The following MCMDC2 variants were observed in gnomAD, a reference collection of about 807,000 sequenced individuals.
The protein encoded by MCMDC2 is minichromosome maintenance domain-containing protein 2.
Under a neutral mutation model 75.8 loss-of-function variants are expected in MCMDC2, and 54 were observed. The ratio of observed to expected loss-of-function variants is 0.71; its 90% CI spans 0.57 to 0.89. MCMDC2 has a LOEUF of 0.89. Ranked by LOEUF, MCMDC2 falls within the 40% of genes least tolerant of loss-of-function variation. The pLI, the probability that MCMDC2 is intolerant of heterozygous loss-of-function variation, is 0.00. For synonymous variants in MCMDC2, 249 were observed against 274.6 expected (o/e 0.91, Z 0.92); for missense variants, 656 against 780.4 (o/e 0.84, Z 1.90).
chr8:66,898,868 A>G lies in MCMDC2; in HGVS notation c.1626+1909A>G, dbSNP rs75027628. On this transcript the variant is annotated intron_variant, in intron 12 of 14. Transcript: ENST00000422365. ...ACAGTAGGAGTAAAGACTTAAAAGTAGAAATTAGTGTACATGGAAAACGAT... is the reference window on the plus strand; with the variant it reads ...ACAGTAGGAGTAAAGACTTAAAAGTGGAAATTAGTGTACATGGAAAACGAT... Among the ~76,000 whole-genome samples the G allele has an allele frequency of 6.6e-3, 1,000 of 152,324 alleles. 8 individuals carry two copies. Among genetic ancestry groups the G allele is most frequent in the African/African-American group, 0.023 (958 of 41,570 alleles).
At position 66,919,097 on chromosome 8, in the gene MCMDC2, G is replaced by A. The variant is rs755516135; in HGVS notation, c.1974G>A (p.Gln658=). The A allele has an allele frequency of 4.5e-6, 7 of 1,550,616 alleles. No individual in the cohort carries two copies. The highest frequency in any genetic ancestry group is 1.4e-5 in the African/African-American group (1 of 72,976). ...YLEQRDLYLT[Q]CQQQLEQFIA... ...AGCAAAGGGATCTCTATCTGACTCA[G>A]TGCCAACAACAGCTGGAACAATTTA... is the stretch of plus-strand genomic sequence containing the variant. The change falls in exon 15 of 15, where the codon CAG becomes CAA. Residue 658 remains glutamine (Q), a synonymous_variant. Coordinates refer to ENST00000422365, the MANE Select transcript of MCMDC2 (RefSeq NM_173518.5).
rs945777335 is a variant in MCMDC2, at chr8:66,921,912, A to G, written c.*2743A>G. On this transcript the variant is annotated 3_prime_UTR_variant, in exon 15 of 15. Transcript: ENST00000422365. Reference sequence around the variant, plus strand: ...TTCAAAACAGGTCTGACTAGTGACTATGAGAATGGAGCTATTTAGAGTTGA... The same window carrying G: ...TTCAAAACAGGTCTGACTAGTGACTGTGAGAATGGAGCTATTTAGAGTTGA... 7 of 152,364 alleles carry G rather than the reference A, an allele frequency of 4.6e-5. No homozygotes were observed. The highest frequency in any genetic ancestry group is 1.7e-4 in the African/African-American group (7 of 41,460). 9.4% of individuals were successfully genotyped at this position (152,364 alleles called of 1,614,324 possible).
At chr8:66,910,166 GT>G (rs1428930243) in intron 14 of MCMDC2, among the ~76,000 whole-genome samples, 3 of 152,250 alleles carry the variant, frequency 2.0e-5, no homozygotes, top group Admixed American at 2.0e-4. Flanking sequence ...CCCTGCAGAA[GT>G]TTGCTGCAGG....
intron 9 of MCMDC2, among the ~76,000 whole-genome samples, 153 bp from the exon 10 acceptor site, chr8:66,890,712 G>A (rs759526198): frequency 2.0e-5 from 3 of 152,112 alleles, no homozygotes; most frequent in Non-Finnish European, 2.9e-5. Flanking sequence ...GTAGAGACGG[G>A]ATTTTACCAT....
intron 13 of MCMDC2, among the ~76,000 whole-genome samples, chr8:66,902,711 A>AAAATATAT (rs1467425752): frequency 5.2e-4 from 35 of 67,916 alleles, no homozygotes; most frequent in East Asian, 4.5e-3. Context: ...AAAAAAAAAA[A>AAAATATAT]ATATATATAT....
At chr8:66,889,800 G>T (rs1166011198) in intron 9 of MCMDC2, among the ~76,000 whole-genome samples, 1 of 152,078 alleles carries the variant, frequency 6.6e-6, no homozygotes, top group Admixed American at 6.6e-5. Flanking sequence ...GGTGAGCTGA[G>T]ATCACGCCAC....
intron 4 of MCMDC2, among the ~76,000 whole-genome samples, chr8:66,875,672 A>G (rs544623562): frequency 2.6e-5 from 4 of 152,290 alleles, no homozygotes; most frequent in Non-Finnish European, 5.9e-5. Flanking sequence ...TTACATTTAA[A>G]TTTGCCCAAT....
chr8:66,883,278 T>A (rs1014906293), intron 8 of MCMDC2, among the ~76,000 whole-genome samples: 4 of 152,178 alleles, frequency 2.6e-5, no homozygotes, highest in Non-Finnish European at 5.9e-5. Context: ...TTATTATTCC[T>A]CTCTGAAGGT....
In MCMDC2 at chr8:66,880,924, A is replaced by T. The variant is rs1811528728; in HGVS notation, c.785A>T (p.Gln262Leu). 1.9e-6 allele frequency: 3 copies of T among 1,573,324 alleles called. No homozygotes were observed. The highest frequency in any genetic ancestry group is 2.6e-6 in the Non-Finnish European group (3 of 1,160,430). Residue 262 changes from glutamine (Q) to leucine (L), a missense_variant, in exon 8 of 15, where the codon CAA becomes CTA. Coordinates refer to ENST00000422365, the MANE Select transcript of MCMDC2 (RefSeq NM_173518.5). ...IGIPTCVKTSQTAVCIEANSI... is the reference protein window; with the variant it reads ...IGIPTCVKTSLTAVCIEANSI... The stretch of plus-strand genomic sequence containing the variant: ...ATTCCAACCTGTGTAAAAACCTCAC[A>T]AACTGCTGTCTGTATAGAAGCAAAT...
At chr8:66,922,678 CTG>C (rs1387286742), downstream of MCMDC2, 7 of 347,436 alleles carry the variant, frequency 2.0e-5, no homozygotes, top group Admixed American at 2.4e-4. Context: ...TGGAAAACAT[CTG>C]TTATGATGAC....
chr8:66,925,566 C>G (rs1313696038), downstream of MCMDC2: 1 of 152,302 alleles, frequency 6.6e-6, no homozygotes, highest in African/African-American at 2.4e-5. Context: ...GAAGACAGCT[C>G]TTAGGCACTC....
At chr8:66,924,916 C>T (rs756923979), downstream of MCMDC2, among the ~76,000 whole-genome samples, 20 of 152,160 alleles carry the variant, frequency 1.3e-4, no homozygotes, top group Admixed American at 2.6e-4. Context: ...GTAAACTGCG[C>T]TCATTACAGT....
At chr8:66,877,975 C>G (rs1202485020) in intron 5 of MCMDC2, among the ~76,000 whole-genome samples, 2 of 151,540 alleles carry the variant, frequency 1.3e-5, no homozygotes, top group Non-Finnish European at 2.9e-5. Flanking sequence ...TTTATGTCTC[C>G]TAATGTTTAT....
At chr8:66,906,769 TTTA>T (rs947036214) in intron 14 of MCMDC2, among the ~76,000 whole-genome samples, 2 of 151,464 alleles carry the variant, frequency 1.3e-5, no homozygotes, top group Admixed American at 6.6e-5. Flanking sequence ...TAAATTATTA[TTTA>T]TTATTATTAT....
downstream of MCMDC2, chr8:66,925,368 C>G (rs1383227851): frequency 1.3e-5 from 2 of 152,564 alleles, no homozygotes; most frequent in Non-Finnish European, 2.9e-5. Flanking sequence ...AGGGGCCGCG[C>G]TGGGCACCCA....
chr8:66,885,864 T>G (rs2130812017), intron 9 of MCMDC2, among the ~76,000 whole-genome samples: 1 of 152,350 alleles, frequency 6.6e-6, no homozygotes, highest in South Asian at 2.1e-4. Context: ...AATCATACAG[T>G]GCATCCTCTT....
chr8:66,880,103 GT>G (rs1384120153), intron 7 of MCMDC2, among the ~76,000 whole-genome samples: 1 of 152,184 alleles, frequency 6.6e-6, no homozygotes, highest in African/African-American at 2.4e-5. Context: ...GAGGAACCTA[GT>G]ATAATGCAAG....
At chr8:66,870,880 C>T (rs1411836641) in intron 1 of MCMDC2, 49 bp downstream of exon 1, 6 of 152,390 alleles carry the variant, frequency 3.9e-5, no homozygotes, top group Non-Finnish European at 8.8e-5. Context: ...TCGAGGTCAC[C>T]GCTGTCAGTG....
At chr8:66,881,243 A>T (rs11997452) in intron 8 of MCMDC2, among the ~76,000 whole-genome samples, 2,787 of 152,336 alleles carry the variant, frequency 0.018, 88 homozygotes, top group African/African-American at 0.062. Flanking sequence ...TATAGGACTT[A>T]TTTCTTTGGG....
Sources: allele counts gnomAD v4.1 joint callset (sites outside exome capture counted in the v4.1 genomes callset), GRCh38; gene constraint gnomAD v4.1.1; transcripts MANE v1.5; gene names NCBI Gene and HGNC (gene_info 2026-07-23, HGNC 2026-07-21).